Variants in REDIC1 observed in about 807,000 individuals in gnomAD.
REDIC1 encodes the protein HEI10 Interacting Protein 1.
chr12:39,795,422 ATT>A, the REDIC1 span, among the ~76,000 whole-genome samples: 2 of 152,196 alleles, frequency 1.3e-5, no homozygotes, highest in Middle Eastern at 3.4e-3. Context: ...ATTCTCTTTT[ATT>A]TTTTAAATAT....
the REDIC1 span, among the ~76,000 whole-genome samples, chr12:39,820,097 A>G: frequency 2.0e-5 from 3 of 152,128 alleles, no homozygotes; most frequent in African/African-American, 7.2e-5. Context: ...TCTTTCCCCT[A>G]TAACTCATTT....
chr12:39,895,508 AAAAAATTATATATATATAT>A, the REDIC1 span, among the ~76,000 whole-genome samples: 2 of 49,716 alleles, frequency 4.0e-5, no homozygotes, highest in African/African-American at 1.6e-4. Flanking sequence ...AAAAAAAAAA[AAAAAATTATATATATATAT>A]ATATATATAT....
At chr12:39,684,837 A>G in the REDIC1 span, 1 of 1,536,370 alleles carries the variant, frequency 6.5e-7, no homozygotes, top group Non-Finnish European at 9.0e-7. Flanking sequence ...AACACAACAA[A>G]CTTTGATACT....
At chr12:39,712,029 C>CATGTATATATACCTACCTTT in the REDIC1 span, among the ~76,000 whole-genome samples, 1 of 113,290 alleles carries the variant, frequency 8.8e-6, no homozygotes, top group African/African-American at 3.5e-5. Flanking sequence ...TGTATATATA[C>CATGTATATATACCTACCTTT]ATGTATATAT....
At chr12:39,679,431 C>A in the REDIC1 span, among the ~76,000 whole-genome samples, 1 of 151,540 alleles carries the variant, frequency 6.6e-6, no homozygotes, top group Non-Finnish European at 1.5e-5. Flanking sequence ...TAAAATACAC[C>A]TAACCAAGGA....
At chr12:39,647,340 A>C in the REDIC1 span, among the ~76,000 whole-genome samples, 1 of 152,112 alleles carries the variant, frequency 6.6e-6, no homozygotes, top group Non-Finnish European at 1.5e-5. Flanking sequence ...TCAATTAGAA[A>C]ATGCATAGAT....
At chr12:39,791,088 T>C in the REDIC1 span, among the ~76,000 whole-genome samples, 2 of 149,350 alleles carry the variant, frequency 1.3e-5, no homozygotes, top group South Asian at 2.2e-4. Context: ...TCTTGTAAAT[T>C]TGTTTGAGTT....
chr12:39,795,010 G>A, the REDIC1 span, among the ~76,000 whole-genome samples: 1 of 152,040 alleles, frequency 6.6e-6, no homozygotes, highest in Non-Finnish European at 1.5e-5. Context: ...TGTTTGGTGT[G>A]GATATTGTCT....
At chr12:39,699,731 C>T in the REDIC1 span, among the ~76,000 whole-genome samples, 157 of 152,338 alleles carry the variant, frequency 1.0e-3, no homozygotes, top group South Asian at 0.019. Flanking sequence ...TCTCCCAGCA[C>T]GCAGCTAGAG....
the REDIC1 span, chr12:39,643,924 C>A: frequency 2.0e-6 from 3 of 1,530,312 alleles, no homozygotes; most frequent in South Asian, 2.4e-5. Flanking sequence ...CCTGGTAAGT[C>A]ATTCCAATTG....
At chr12:39,832,608 A>G in the REDIC1 span, among the ~76,000 whole-genome samples, 121 of 152,206 alleles carry the variant, frequency 7.9e-4, 4 homozygotes, top group East Asian at 0.022. Flanking sequence ...GCCACACACT[A>G]TGCTAGGTGC....
At chr12:39,846,135 TTC>T in the REDIC1 span, among the ~76,000 whole-genome samples, 8 of 152,162 alleles carry the variant, frequency 5.3e-5, no homozygotes, top group Non-Finnish European at 1.2e-4. Flanking sequence ...TCTTAGAATA[TTC>T]AACTATGCTC....
chr12:39,658,798 A>T, the REDIC1 span, among the ~76,000 whole-genome samples: 1 of 152,172 alleles, frequency 6.6e-6, no homozygotes, highest in Non-Finnish European at 1.5e-5. Context: ...TCTTCAAGTT[A>T]TAGTATCAAG....
chr12:39,865,040 C>T, the REDIC1 span, among the ~76,000 whole-genome samples: 3 of 152,054 alleles, frequency 2.0e-5, no homozygotes, highest in African/African-American at 7.2e-5. Context: ...AAAAGTACTC[C>T]CAATGTATAA....
the REDIC1 span, among the ~76,000 whole-genome samples, chr12:39,686,401 A>G: frequency 6.6e-6 from 1 of 152,200 alleles, no homozygotes; most frequent in Non-Finnish European, 1.5e-5. Flanking sequence ...GAAGCCATCA[A>G]GGCTTACAGT....
At chr12:39,643,112 T>C in the REDIC1 span, among the ~76,000 whole-genome samples, 1 of 151,722 alleles carries the variant, frequency 6.6e-6, no homozygotes, top group Non-Finnish European at 1.5e-5. Context: ...ACATAATAGT[T>C]GCTTGATAAA....
the REDIC1 span, among the ~76,000 whole-genome samples, chr12:39,748,092 G>A: frequency 5.9e-5 from 9 of 151,446 alleles, no homozygotes; most frequent in South Asian, 1.9e-3. Context: ...AACCTTAAAT[G>A]TAAATGGGCT....
At chr12:39,827,943 C>T in the REDIC1 span, among the ~76,000 whole-genome samples, 1 of 152,062 alleles carries the variant, frequency 6.6e-6, no homozygotes, top group Middle Eastern at 3.2e-3. Context: ...CCTCAACACT[C>T]GACCTTGAAA....
the REDIC1 span, among the ~76,000 whole-genome samples, chr12:39,676,873 T>C: frequency 6.6e-6 from 1 of 151,962 alleles, no homozygotes; most frequent in African/African-American, 2.4e-5. Flanking sequence ...TAATGTGAGA[T>C]AAAGTATTTT....
Sources: gnomAD v4.1 joint callset for allele counts (sites outside exome capture counted in the v4.1 genomes callset) on GRCh38, gnomAD v4.1.1 for gene constraint, MANE v1.5 for transcripts, NCBI Gene and HGNC (gene_info 2026-07-23, HGNC 2026-07-21) for gene names.